The following BCAS3 variants were observed in gnomAD, a reference collection of about 807,000 sequenced individuals.
The protein encoded by BCAS3 is BCAS3 microtubule associated cell migration factor.
Under a neutral mutation model 116.1 loss-of-function variants are expected in BCAS3, and 53 were observed. That is an observed-to-expected ratio of 0.46 (90% CI 0.37 to 0.57). The LOEUF is 0.57. Among genes scored for constraint, BCAS3 ranks in the 20% least tolerant of loss-of-function variants. The pLI, the probability that BCAS3 is intolerant of heterozygous loss-of-function variation, is 0.00. For synonymous variants in BCAS3, 391 were observed against 408.2 expected, an observed-to-expected ratio of 0.96 and a Z score of 0.51; for missense variants, 917 against 1,165.4, an observed-to-expected ratio of 0.79 and a Z score of 3.10.
At chr17:60,680,024 C>T (rs1264828980) in intron 2 of BCAS3, among the ~76,000 whole-genome samples, 1 of 151,074 alleles carries the variant, frequency 6.6e-6, no homozygotes, top group Non-Finnish European at 1.5e-5. Flanking sequence ...GTCCCAGCTA[C>T]TCGGGAGGCT....
At chr17:60,847,532 T>C (rs1394724833) in intron 7 of BCAS3, among the ~76,000 whole-genome samples, 1 of 152,210 alleles carries the variant, frequency 6.6e-6, no homozygotes, top group Non-Finnish European at 1.5e-5. Context: ...ATGACCAACC[T>C]AGTGGCTGTA....
chr17:60,899,423 C>T (rs2057727532), intron 10 of BCAS3, among the ~76,000 whole-genome samples: 1 of 152,100 alleles, frequency 6.6e-6, no homozygotes, highest in African/African-American at 2.4e-5. Context: ...CTGCTACAGC[C>T]AATGCTTTAC....
chr17:61,298,064 A>G (rs2053095823), intron 22 of BCAS3, among the ~76,000 whole-genome samples: 1 of 152,248 alleles, frequency 6.6e-6, no homozygotes, highest in South Asian at 2.1e-4. Context: ...TCTTCTCCAT[A>G]AAGTTAAGGA....
Position 61,013,058 on chromosome 17 carries a change from A to G in BCAS3, c.1487-2693A>G, listed in dbSNP as rs1238418576. On this transcript the variant is annotated intron_variant, in intron 15 of 23. Coordinates refer to ENST00000407086, the MANE Select transcript of BCAS3 (RefSeq NM_017679.5). The surrounding 1 kb of genome is among the most constrained non-coding windows in gnomAD (Gnocchi z 4.4). ...CCCTCACGTTATCCTTCATGCCCAG[A>G]ATATTCCTTCTCTCCTACCCTTATC... Among the ~76,000 whole-genome samples, 1 of 152,010 alleles carries G rather than the reference A, an allele frequency of 6.6e-6. No individual in the cohort carries two copies. Among genetic ancestry groups the G allele is most frequent in the Non-Finnish European group, 1.5e-5 (1 of 67,956 alleles).
At chr17:60,745,570 T>C (rs1598422123) in intron 5 of BCAS3, among the ~76,000 whole-genome samples, 1 of 152,246 alleles carries the variant, frequency 6.6e-6, no homozygotes, top group East Asian at 1.9e-4. Flanking sequence ...TTTTCTAAAT[T>C]TTAAATTTTG....
chr17:61,272,497 A>T (rs921347461), intron 22 of BCAS3, among the ~76,000 whole-genome samples: 1 of 151,412 alleles, frequency 6.6e-6, no homozygotes, highest in Non-Finnish European at 1.5e-5. Flanking sequence ...GCCAGGCATG[A>T]TCTCATGAGA....
In BCAS3 at chr17:61,134,895, GT is replaced by G. The variant is rs200993634; in HGVS notation, c.2425+50340del. ...TACTTTTCTCTTAGATTGTTGTTTT[GT>G]TTTTTTTTGAAATAAAACATTTGTA... On this transcript the variant is annotated intron_variant, in intron 22 of 23. Transcript: ENST00000407086. The surrounding 1 kb of genome is among the most constrained non-coding windows in gnomAD (Gnocchi z 4.6). Among the ~76,000 whole-genome samples the G allele has an allele frequency of 4.7e-5, 7 of 150,164 alleles. No individual in the cohort carries two copies. The highest frequency in any genetic ancestry group is 3.3e-4 in the Admixed American group (5 of 15,028).
intron 22 of BCAS3, among the ~76,000 whole-genome samples, chr17:61,154,499 G>GA (rs2077720981): frequency 6.6e-6 from 1 of 151,684 alleles, no homozygotes; most frequent in African/African-American, 2.4e-5. Context: ...GCAGTGGGGG[G>GA]ATCATGGCTC....
chr17:60,683,797 A>G (rs2033610738), intron 2 of BCAS3, among the ~76,000 whole-genome samples, 185 bp from the exon 3 acceptor site: 3 of 151,644 alleles, frequency 2.0e-5, no homozygotes, highest in Non-Finnish European at 1.5e-5. Flanking sequence ...GCACCACTAC[A>G]CTCCAGCCTG....
intron 12 of BCAS3, among the ~76,000 whole-genome samples, chr17:60,916,618 A>C (rs1308611925): frequency 1.3e-5 from 2 of 152,228 alleles, no homozygotes; most frequent in African/African-American, 4.8e-5. Context: ...TGCGTTAGAA[A>C]TTGTAACATC....
rs1033588241 is a variant in BCAS3, at chr17:61,235,651, T to A, written c.2426-132676T>A. On this transcript the variant is annotated intron_variant, in intron 22 of 23. Coordinates refer to ENST00000407086, the MANE Select transcript of BCAS3 (RefSeq NM_017679.5). The surrounding 1 kb of genome is among the most constrained non-coding windows in gnomAD (Gnocchi z 5.0). ...CGCCAGCCATGAAGCTTTTGACCTTTTCACCTTTAAACTTTGTTTGAACTT... is the reference window on the plus strand; with the variant it reads ...CGCCAGCCATGAAGCTTTTGACCTTATCACCTTTAAACTTTGTTTGAACTT... 1.3e-5 allele frequency among the ~76,000 whole-genome samples: 2 copies of A among 151,790 alleles called. No individual in the cohort carries two copies. The highest frequency in any genetic ancestry group is 4.8e-5 in the African/African-American group (2 of 41,288).
intron 23 of BCAS3, chr17:61,384,419 G>C (rs2059749755): frequency 6.6e-6 from 1 of 152,304 alleles, no homozygotes; most frequent in Non-Finnish European, 1.5e-5. Context: ...TACACGCCCA[G>C]TGAGGTCACT....
At chr17:60,951,764 C>CTT (rs769133578) in intron 14 of BCAS3, among the ~76,000 whole-genome samples, 60 of 109,544 alleles carry the variant, frequency 5.5e-4, no homozygotes, top group African/African-American at 7.9e-4. Context: ...TCTTTTCTTT[C>CTT]TTTTTTTTTT....
At chr17:61,044,465 A>AAAAAATATATATATAT in intron 19 of BCAS3, among the ~76,000 whole-genome samples, 16 of 120,114 alleles carry the variant, frequency 1.3e-4, no homozygotes, top group African/African-American at 7.5e-4. Context: ...AAAAAAAAAA[A>AAAAAATATATATATAT]ATATATATAT....
chr17:60,977,192 G>C (rs1275219490), intron 14 of BCAS3, among the ~76,000 whole-genome samples: 1 of 152,100 alleles, frequency 6.6e-6, no homozygotes, highest in Non-Finnish European at 1.5e-5. Context: ...TTATTTTTTA[G>C]AGATGGAGTC....
At chr17:61,330,601 C>T (rs77966864) in intron 22 of BCAS3, among the ~76,000 whole-genome samples, 79 of 152,332 alleles carry the variant, frequency 5.2e-4, no homozygotes, top group African/African-American at 1.8e-3. Context: ...CACATTCCCA[C>T]GCTATAGACT....
chr17:61,291,653 A>G (rs1363514323), intron 22 of BCAS3, among the ~76,000 whole-genome samples: 2 of 152,206 alleles, frequency 1.3e-5, no homozygotes, highest in African/African-American at 4.8e-5. Flanking sequence ...TCCTGACACA[A>G]TGAATTGCGG....
chr17:61,212,968 T>TA (rs1489685347), intron 22 of BCAS3, among the ~76,000 whole-genome samples: 1 of 152,186 alleles, frequency 6.6e-6, no homozygotes, highest in Non-Finnish European at 1.5e-5. Flanking sequence ...ATTCAGTTAA[T>TA]ACCTTTTTCA....
intron 14 of BCAS3, among the ~76,000 whole-genome samples, chr17:60,953,735 ATT>A (rs536582159): frequency 3.6e-5 from 5 of 137,662 alleles, no homozygotes; most frequent in Admixed American, 7.2e-5. Context: ...TCTTGAGTTG[ATT>A]TTTTTTTTTT....
Sources: allele counts gnomAD v4.1 joint callset (sites outside exome capture counted in the v4.1 genomes callset), GRCh38; gene constraint gnomAD v4.1.1; non-coding constraint Gnocchi (gnomAD v3.1); transcripts MANE v1.5; gene names NCBI Gene and HGNC (gene_info 2026-07-23, HGNC 2026-07-21).